The following MUS81 variants were observed in gnomAD, a reference collection of about 807,000 sequenced individuals.
MUS81 encodes the protein structure-specific endonuclease subunit MUS81.
In MUS81, 69 loss-of-function variants were observed where a neutral mutation model predicts 74.2. The observed-to-expected ratio is 0.93, with a 90% CI of 0.77 to 1.14. The LOEUF (loss-of-function observed/expected upper bound fraction) is 1.14. Among genes scored for constraint, MUS81 ranks in the 50% most tolerant of loss-of-function variants. The pLI, the probability that MUS81 is intolerant of heterozygous loss-of-function variation, is 0.00. For missense variants in MUS81, 711 were observed against 726.5 expected (o/e 0.98, Z 0.25); for synonymous variants, 303 against 300.6 (o/e 1.01, Z -0.08).
Position 65,862,467 on chromosome 11 carries a change from C to A in MUS81, c.543C>A (p.Pro181=). The A allele has an allele frequency of 6.2e-7, 1 of 1,613,860 alleles. No homozygotes were observed. The highest frequency in any genetic ancestry group is 8.5e-7 in the Non-Finnish European group (1 of 1,179,958). Reference sequence around the variant, plus strand: ...AGGTAGCCCCTGGGAGTGCTCGACCCTGGCCAGCCCTCCGCTCCCTCCTTC... The same window carrying A: ...AGGTAGCCCCTGGGAGTGCTCGACCATGGCCAGCCCTCCGCTCCCTCCTTC... ...SPRVAPGSAR[P]WPALRSLLHR... Residue 181 remains proline, a synonymous_variant, in exon 6 of 16, where the codon CCC becomes CCA. Transcript: ENST00000308110.
At chr11:65,862,103 G>C (rs1859630458) in intron 4 of MUS81, 58 bp downstream of exon 4, 2 of 1,593,586 alleles carry the variant, frequency 1.3e-6, no homozygotes, top group Non-Finnish European at 1.7e-6. Context: ...GAGGTTCCCC[G>C]AGGGGCCTGG....
rs377064747 is a variant in MUS81, at chr11:65,863,543, G to A, written c.839+41G>A. ...AGAAACGAGGGAGATGATCAGAGGAGGCTGGGGGGTAGGCACTGCCCTGCT... is the reference window on the plus strand; with the variant it reads ...AGAAACGAGGGAGATGATCAGAGGAAGCTGGGGGGTAGGCACTGCCCTGCT... On this transcript the variant is annotated intron_variant, in intron 8 of 15. Coordinates refer to ENST00000308110, the MANE Select transcript of MUS81 (RefSeq NM_025128.5). The A allele has an allele frequency of 1.5e-5, 24 of 1,613,944 alleles. No homozygotes were observed. The African/African-American group carries it at 2.9e-4, about 20-fold the overall frequency.
rs1445738691 is a variant in MUS81 at position 65,863,594 on chromosome 11, C to T, written c.840-6C>T. On this transcript the variant is annotated splice_polypyrimidine_tract_variant and splice_region_variant and intron_variant, in intron 8 of 15. Transcript: ENST00000308110. ...CTGATCTAGGCTTCCCTCCTTGCCACTCCAGGGGCGGGCACAGGCCGGAGC... is the reference window on the plus strand; with the variant it reads ...CTGATCTAGGCTTCCCTCCTTGCCATTCCAGGGGCGGGCACAGGCCGGAGC... 1.9e-6 allele frequency: 3 copies of T among 1,614,088 alleles called. No individual in the cohort carries two copies. Among genetic ancestry groups the T allele is most frequent in the African/African-American group, 1.3e-5 (1 of 75,046 alleles).
intron 2 of MUS81, 63 bp downstream of exon 2, chr11:65,861,165 C>T: frequency 1.9e-6 from 3 of 1,606,770 alleles, no homozygotes; most frequent in Non-Finnish European, 2.5e-6. Flanking sequence ...TCCGTACTCT[C>T]CTGGGAGCCC....
At chr11:65,864,034 G>A in intron 10 of MUS81, 133 bp downstream of exon 10, 1 of 863,824 alleles carries the variant, frequency 1.2e-6, no homozygotes, top group Middle Eastern at 2.2e-4. Flanking sequence ...CCACCCTGTG[G>A]CTGCTCCAGG....
chr11:65,866,566 A>G (rs946661666), downstream of MUS81: 3 of 702,552 alleles, frequency 4.3e-6, no homozygotes, highest in Admixed American at 6.0e-5. Context: ...TCCAGAGTGG[A>G]GTTTCTTAGG....
In MUS81 at chr11:65,862,023, T is replaced by C. The variant is rs1178001089; in HGVS notation, c.428T>C (p.Leu143Pro). 2 of 1,610,030 alleles carry C rather than the reference T, an allele frequency of 1.2e-6. No individual in the cohort carries two copies. Among genetic ancestry groups the C allele is most frequent in the Admixed American group, 3.4e-5 (2 of 59,380 alleles). Residue 143 changes from leucine to proline, a missense_variant, in exon 4 of 16, where the codon CTG becomes CCG. Leu to Pro is a moderately conservative substitution (Grantham distance 98, BLOSUM62 -3). Transcript: ENST00000308110. ...CACTCAGGAGCCCGAGTGATACTGC[T>C]GGTGCTCTACCGGGAGCACCTGGTG... ...ARHSGARVIL[L>P]VLYREHLNPN...
upstream of MUS81, chr11:65,860,415 C>A (rs1167075048): frequency 3.9e-6 from 2 of 506,400 alleles, no homozygotes; most frequent in Admixed American, 2.5e-5. Flanking sequence ...ACAAAGACCC[C>A]GCTCTCGAAT....
Position 65,863,658 on chromosome 11 carries a change from G to T in MUS81, c.898G>T (p.Val300Leu). ...ELQRLHVTHT[V>L]RKLHVGDFVW... ...ACAGCGGCTGCACGTGACCCACACG[G>T]TGCGCAAGCTGCACGTTGGAGATTT... The change falls in exon 9 of 16, where the codon GTG (valine) becomes TTG (leucine). Residue 300 changes from valine to leucine, a missense_variant. Physicochemically the swap from Val to Leu is conservative, Grantham distance 32. Transcript: ENST00000308110. 6.2e-7 allele frequency: 1 copy of T among 1,614,112 alleles called. No individual in the cohort carries two copies. The highest frequency in any genetic ancestry group is 8.5e-7 in the Non-Finnish European group (1 of 1,180,010).
At chr11:65,863,937 C>T in intron 10 of MUS81, 36 bp downstream of exon 10, 2 of 1,602,026 alleles carry the variant, frequency 1.2e-6, no homozygotes, top group Non-Finnish European at 1.7e-6. Context: ...TCCCTGCCTG[C>T]TCCGAAGCCC....
chr11:65,863,642 G>A lies in MUS81; in HGVS notation c.882G>A (p.Leu294=), dbSNP rs371682816. 1 of 1,614,046 alleles carries A rather than the reference G, an allele frequency of 6.2e-7. No homozygotes were observed. The highest frequency in any genetic ancestry group is 8.5e-7 in the Non-Finnish European group (1 of 1,179,990). ...RPELLRELQR[L]HVTHTVRKLH... is the part of the protein sequence containing the mutation. ...AGCTGCTCCGAGAGCTACAGCGGCTGCACGTGACCCACACGGTGCGCAAGC... is the reference window on the plus strand; with the variant it reads ...AGCTGCTCCGAGAGCTACAGCGGCTACACGTGACCCACACGGTGCGCAAGC... Residue 294 remains leucine, a synonymous_variant, in exon 9 of 16, where the codon CTG becomes CTA. Transcript: ENST00000308110.
At chr11:65,867,023 C>T, downstream of MUS81, 1 of 1,614,184 alleles carries the variant, frequency 6.2e-7, no homozygotes, top group Non-Finnish European at 8.5e-7. Context: ...GCACGTACTC[C>T]CGGGGGCCCG....
At chr11:65,866,852 A>G (rs1288240671), downstream of MUS81, 1 of 1,591,304 alleles carries the variant, frequency 6.3e-7, no homozygotes, top group Admixed American at 1.7e-5. Flanking sequence ...TGCCTTTCTC[A>G]TTCTGCCCCT....
Position 65,863,108 on chromosome 11 carries a change from G to T in MUS81, c.649G>T (p.Ala217Ser). 1 of 1,614,142 alleles carries T rather than the reference G, an allele frequency of 6.2e-7. No individual in the cohort carries two copies. The highest frequency in any genetic ancestry group is 2.2e-5 in the East Asian group (1 of 44,884). ...GGGCCTGGAGCTGGCCCAGAAGTTG[G>T]CCGAGTCAGAAGGCCTGAGCTTGCT... is the stretch of plus-strand genomic sequence containing the variant. The part of the protein sequence containing the change: ...PEGLELAQKL[A>S]ESEGLSLLNV... Residue 217 changes from alanine to serine, a missense_variant, in exon 7 of 16, where the codon GCC becomes TCC. By Grantham distance (99) the Ala-to-Ser change is moderately conservative. Transcript: ENST00000308110.
chr11:65,866,757 C>T (rs756711623), downstream of MUS81: 1 of 957,628 alleles, frequency 1.0e-6, no homozygotes, highest in South Asian at 1.4e-5. Context: ...GGCCTGCCCC[C>T]CCAAGTGCCA....
rs377493668 is a variant in MUS81 at position 65,865,951 on chromosome 11, C to T, written c.1590-35C>T. On this transcript the variant is annotated intron_variant, in intron 15 of 15. Transcript: ENST00000308110. ...GGCAGGGACTGGGGCTGCCCTAGGCCCAGGGCGTGACCCTCGCTGCCTCTC... is the reference window on the plus strand; with the variant it reads ...GGCAGGGACTGGGGCTGCCCTAGGCTCAGGGCGTGACCCTCGCTGCCTCTC... The T allele has an allele frequency of 1.7e-5, 28 of 1,613,854 alleles. No homozygotes were observed. The South Asian group carries it at 2.6e-4, about 15-fold the overall frequency.
upstream of MUS81, chr11:65,860,225 C>A (rs978275250): frequency 2.6e-5 from 12 of 455,728 alleles, no homozygotes; most frequent in Non-Finnish European, 4.9e-5. Flanking sequence ...TGTCTCCTAG[C>A]CCCCGCCTCT....
chr11:65,862,291 G>A lies in MUS81; in HGVS notation c.519+12G>A, dbSNP rs774457125. On this transcript the variant is annotated intron_variant, in intron 5 of 15. Transcript: ENST00000308110. ...AGAAGTCCCCCAGGGTGAGCACAGGGATCAGGGAGGACAGGCCCAAGTGGC... is the reference window on the plus strand; with the variant it reads ...AGAAGTCCCCCAGGGTGAGCACAGGAATCAGGGAGGACAGGCCCAAGTGGC... The A allele has an allele frequency of 8.1e-6, 13 of 1,613,524 alleles. No homozygotes were observed. Among genetic ancestry groups the A allele is most frequent in the African/African-American group, 1.3e-5 (1 of 74,914 alleles).
chr11:65,866,193 G>A lies in MUS81; in HGVS notation c.*141G>A. ...TCATGTAGAAGATGCCTAGCCCTGG[G>A]GACCTTGTGAAATACGCAGGAACCA... On this transcript the variant is annotated 3_prime_UTR_variant, in exon 16 of 16. Coordinates refer to ENST00000308110, the MANE Select transcript of MUS81 (RefSeq NM_025128.5). 2 of 805,952 alleles carry A rather than the reference G, an allele frequency of 2.5e-6. No homozygotes were observed. The highest frequency in any genetic ancestry group is 3.8e-6 in the Non-Finnish European group (2 of 519,748). 49.9% of individuals were successfully genotyped at this position (805,952 alleles called of 1,614,324 possible).
Sources: allele counts gnomAD v4.1 joint callset, GRCh38; gene constraint gnomAD v4.1.1; transcripts MANE v1.5; gene names NCBI Gene and HGNC (gene_info 2026-07-23, HGNC 2026-07-21).